The following LRRC4C variants were observed in gnomAD, a reference collection of about 807,000 sequenced individuals.
LRRC4C encodes the protein leucine rich repeat containing 4C, also known as leucine-rich repeat-containing protein 4C.
LRRC4C carries 5 observed loss-of-function variants against 33.6 expected under a neutral mutation model. The observed-to-expected ratio is 0.15, with a 90% CI of 0.08 to 0.31. The LOEUF (loss-of-function observed/expected upper bound fraction) is 0.31. LRRC4C is among the 10% of genes least tolerant of loss of function. The pLI is 1.00. For synonymous variants in LRRC4C, 329 were observed against 302.0 expected, an observed-to-expected ratio of 1.09 and a Z score of -0.93; for missense variants, 560 against 796.7, an observed-to-expected ratio of 0.70 and a Z score of 3.58.
At chr11:40,585,917 A>G (rs376413263) in intron 3 of LRRC4C, among the ~76,000 whole-genome samples, 3 of 136,526 alleles carry the variant, frequency 2.2e-5, no homozygotes, top group African/African-American at 5.4e-5. Flanking sequence ...ATTGTGAATA[A>G]TGCCGCAATA....
Position 40,948,934 on chromosome 11 carries a change from A to C in LRRC4C, c.-495-15211T>G, listed in dbSNP as rs1276514595. ...TATTTCTAGTTCTAGATCCCTGAGGAATTGCCACACTGACTTCCACAATGG... is the reference window on the plus strand; with the variant it reads ...TATTTCTAGTTCTAGATCCCTGAGGCATTGCCACACTGACTTCCACAATGG... On this transcript the variant is annotated intron_variant, in intron 1 of 6. Transcript: ENST00000528697. Among the ~76,000 whole-genome samples the C allele has an allele frequency of 9.7e-3, 1,471 of 152,118 alleles. 29 individuals are homozygous for C. The highest frequency in any genetic ancestry group is 0.033 in the African/African-American group (1,355 of 41,518).
At chr11:40,898,757 T>G (rs939525777) in intron 2 of LRRC4C, among the ~76,000 whole-genome samples, 4 of 149,346 alleles carry the variant, frequency 2.7e-5, no homozygotes, top group African/African-American at 1.0e-4. Context: ...TAAAAATTCC[T>G]TGCTTTATTT....
At chr11:41,410,806 C>T (rs955608005) in intron 1 of LRRC4C, among the ~76,000 whole-genome samples, 14 of 152,132 alleles carry the variant, frequency 9.2e-5, no homozygotes, top group Admixed American at 3.3e-4. Context: ...ATTAGAATAT[C>T]ATCACATTAT....
chr11:40,497,318 C>T (rs1012434235), intron 3 of LRRC4C, among the ~76,000 whole-genome samples: 3 of 151,746 alleles, frequency 2.0e-5, no homozygotes, highest in Admixed American at 6.6e-5. Context: ...GCAGGAGAAT[C>T]GCTTGAATCT....
chr11:40,915,422 C>A (rs988372481), intron 2 of LRRC4C, among the ~76,000 whole-genome samples: 2 of 152,070 alleles, frequency 1.3e-5, no homozygotes, highest in Non-Finnish European at 2.9e-5. Context: ...CTTTGACAAA[C>A]CTGACAAAAA....
rs1942498796 is a variant in LRRC4C, at chr11:40,269,116, C to T, written c.-175-27518G>A. On this transcript the variant is annotated intron_variant, in intron 4 of 6. Transcript: ENST00000528697. Reference sequence around the variant, plus strand: ...TATTTAAAATCTACAGCTGATGTTGCTATTTTAGAGCATTTTCAGTCTCAA... The same window carrying T: ...TATTTAAAATCTACAGCTGATGTTGTTATTTTAGAGCATTTTCAGTCTCAA... 2.0e-5 allele frequency among the ~76,000 whole-genome samples: 3 copies of T among 152,238 alleles called. No individual in the cohort carries two copies. In the South Asian group the frequency reaches 6.2e-4, roughly 32 times the overall value.
chr11:41,075,060 T>TA (rs71060996), intron 1 of LRRC4C, among the ~76,000 whole-genome samples: 36,361 of 75,060 alleles, frequency 0.48, 6,346 homozygotes, highest in Non-Finnish European at 0.56. Context: ...TTTTTTTTTT[T>TA]TTATTATACT....
chr11:41,013,156 A>G (rs570807350), intron 1 of LRRC4C, among the ~76,000 whole-genome samples: 1 of 152,326 alleles, frequency 6.6e-6, no homozygotes, highest in South Asian at 2.1e-4. Context: ...AAGATTGCCC[A>G]GTGAAATTCA....
chr11:40,338,385 G>A (rs1010056315), intron 3 of LRRC4C, among the ~76,000 whole-genome samples: 9 of 152,186 alleles, frequency 5.9e-5, no homozygotes, highest in Non-Finnish European at 1.5e-5. Context: ...CTCTCCATGA[G>A]TTAAAATAAT....
chr11:40,211,417 AAAAC>A (rs1051381789), intron 5 of LRRC4C, among the ~76,000 whole-genome samples: 3 of 152,264 alleles, frequency 2.0e-5, no homozygotes, highest in African/African-American at 7.2e-5. Flanking sequence ...GAATAAAACT[AAAAC>A]AAACAAAATC....
chr11:41,063,048 A>G (rs1472957186), intron 1 of LRRC4C, among the ~76,000 whole-genome samples: 1 of 152,122 alleles, frequency 6.6e-6, no homozygotes, highest in Non-Finnish European at 1.5e-5. Context: ...TCTTATGACA[A>G]CCCTAGGCAA....
intron 3 of LRRC4C, among the ~76,000 whole-genome samples, chr11:40,478,886 G>C (rs886123766): frequency 3.3e-5 from 5 of 152,224 alleles, no homozygotes; most frequent in African/African-American, 9.6e-5. Flanking sequence ...TACTAATAAA[G>C]CTTTGGAAAA....
intron 2 of LRRC4C, among the ~76,000 whole-genome samples, chr11:40,882,863 GC>G (rs1376966302): frequency 2.0e-5 from 3 of 152,042 alleles, no homozygotes; most frequent in Non-Finnish European, 4.4e-5. Context: ...CTAGAATCTA[GC>G]AAGCATGCAC....
chr11:41,168,880 G>C (rs1944847629), intron 1 of LRRC4C, among the ~76,000 whole-genome samples: 1 of 152,144 alleles, frequency 6.6e-6, no homozygotes, highest in South Asian at 2.1e-4. Context: ...ACAAGTCTCA[G>C]ATTACTACTG....
At chr11:40,981,335 G>T (rs1592250558) in intron 1 of LRRC4C, among the ~76,000 whole-genome samples, 1 of 151,706 alleles carries the variant, frequency 6.6e-6, no homozygotes. Flanking sequence ...AATCGCTTGA[G>T]CCCGGGAGGC....
chr11:40,218,617 TG>T (rs1565148514), intron 5 of LRRC4C, among the ~76,000 whole-genome samples: 17 of 140,632 alleles, frequency 1.2e-4, no homozygotes, highest in South Asian at 6.9e-4. Flanking sequence ...TATGTATGTA[TG>T]TATGTATGTA....
intron 4 of LRRC4C, among the ~76,000 whole-genome samples, chr11:40,242,669 C>T (rs181913641): frequency 4.4e-4 from 67 of 152,152 alleles, no homozygotes; most frequent in Admixed American, 7.8e-4. Flanking sequence ...GAACCTGAAA[C>T]ACTGGGTCCT....
intron 5 of LRRC4C, among the ~76,000 whole-genome samples, chr11:40,231,641 C>A (rs1419872179): frequency 6.6e-6 from 1 of 152,088 alleles, no homozygotes; most frequent in Non-Finnish European, 1.5e-5. Flanking sequence ...TAGATAGACA[C>A]AGACATTTTA....
At chr11:41,100,458 T>C (rs1941101848) in intron 1 of LRRC4C, among the ~76,000 whole-genome samples, 2 of 152,116 alleles carry the variant, frequency 1.3e-5, no homozygotes, top group South Asian at 4.2e-4. Flanking sequence ...TCCCAGCTGC[T>C]CATGAGGCTG....
Sources: gnomAD v4.1 joint callset for allele counts (sites outside exome capture counted in the v4.1 genomes callset) on GRCh38, gnomAD v4.1.1 for gene constraint, MANE v1.5 for transcripts, NCBI Gene and HGNC (gene_info 2026-07-23, HGNC 2026-07-21) for gene names.